INO80: variants seen among roughly 807,000 people sequenced by gnomAD.
INO80 encodes the protein chromatin-remodeling ATPase INO80.
A neutral mutation model predicts 203.4 loss-of-function variants in INO80; 20 were observed. The observed-to-expected ratio is 0.10, with a 90% CI of 0.07 to 0.14. The LOEUF is 0.14. INO80 is among the 10% of genes least tolerant of loss of function. INO80 has a pLI of 1.00. For synonymous variants in INO80, 726 were observed against 685.2 expected, an observed-to-expected ratio of 1.06 and a Z score of -0.93; for missense variants, 1,419 against 1,914.4, an observed-to-expected ratio of 0.74 and a Z score of 4.83.
chr15:41,050,689 A>G (rs985513804), intron 19 of INO80, among the ~76,000 whole-genome samples: 13 of 152,160 alleles, frequency 8.5e-5, no homozygotes, highest in African/African-American at 2.9e-4. Context: ...ATAGACTGAT[A>G]ATATTTTGTG....
chr15:41,037,199 C>CTT (rs796785451), intron 24 of INO80, among the ~76,000 whole-genome samples: 25 of 142,868 alleles, frequency 1.7e-4, no homozygotes, highest in South Asian at 1.6e-3. Flanking sequence ...CTTAATAGGA[C>CTT]TTTTTTTTTT....
chr15:41,036,177 A>C (rs1286133421), intron 24 of INO80, among the ~76,000 whole-genome samples: 2 of 150,332 alleles, frequency 1.3e-5, no homozygotes, highest in African/African-American at 4.9e-5. Flanking sequence ...AAAAAAAAAA[A>C]AAAAAAAACC....
intron 1 of INO80, among the ~76,000 whole-genome samples, chr15:41,108,106 T>C (rs2045907511): frequency 6.6e-6 from 1 of 152,056 alleles, no homozygotes; most frequent in South Asian, 2.1e-4. Flanking sequence ...TCTCAAAAAA[T>C]AAACAAACTT....
intron 28 of INO80, 41 bp downstream of exon 28, chr15:41,005,552 G>A: frequency 2.8e-6 from 3 of 1,070,072 alleles, no homozygotes; most frequent in East Asian, 2.5e-5. Flanking sequence ...GCACTAGAGG[G>A]AAATTAAAAA....
At chr15:40,985,588 T>G (rs977703959) in intron 31 of INO80, among the ~76,000 whole-genome samples, 162 bp from the exon 32 acceptor site, 1 of 152,062 alleles carries the variant, frequency 6.6e-6, no homozygotes, top group Non-Finnish European at 1.5e-5. Flanking sequence ...ATTCTCAATT[T>G]TGGGTTTAAA....
At chr15:40,980,490 T>G in intron 35 of INO80, 50 bp from the exon 36 acceptor site, 2 of 1,423,048 alleles carry the variant, frequency 1.4e-6, no homozygotes. Flanking sequence ...CCGCGTAAGC[T>G]TCCTTGGAGC....
Position 40,983,031 on chromosome 15 carries a change from G to C in INO80, c.4284C>G (p.Ala1428=), listed in dbSNP as rs748934659. The change falls in exon 35 of 36, where the codon GCC becomes GCG. Residue 1428 remains alanine (A), a synonymous_variant. Transcript: ENST00000648947. ...AACCTTTGGGGCGGCCTCGGCTTCGGGCTGAGTGACCACGTCCTGCAGCTG... is the reference window on the plus strand; with the variant it reads ...AACCTTTGGGGCGGCCTCGGCTTCGCGCTGAGTGACCACGTCCTGCAGCTG... ...EMPAAGRGHS[A]RSRGRPKGSG... 4 of 1,613,942 alleles carry C rather than the reference G, an allele frequency of 2.5e-6. No individual in the cohort carries two copies. In the East Asian group the frequency reaches 8.9e-5, roughly 36 times the overall value.
chr15:41,042,450 C>T (rs899920138), intron 24 of INO80, among the ~76,000 whole-genome samples: 1 of 152,008 alleles, frequency 6.6e-6, no homozygotes, highest in Admixed American at 6.6e-5. Context: ...ACACTCCTGG[C>T]CCTGAAAGCA....
At chr15:41,017,936 A>C (rs1411554815) in intron 26 of INO80, 2 of 152,224 alleles carry the variant, frequency 1.3e-5, no homozygotes, top group Non-Finnish European at 2.9e-5. Flanking sequence ...AGTACTGTAT[A>C]AATTCCAAGT....
At chr15:40,995,358 G>C (rs2043867950) in intron 29 of INO80, among the ~76,000 whole-genome samples, 1 of 152,206 alleles carries the variant, frequency 6.6e-6, no homozygotes, top group Non-Finnish European at 1.5e-5. Flanking sequence ...TAGGCTGAGG[G>C]AACAGTTTAT....
intron 17 of INO80, among the ~76,000 whole-genome samples, chr15:41,056,084 C>T (rs560471838): frequency 1.3e-5 from 2 of 151,742 alleles, no homozygotes; most frequent in East Asian, 3.9e-4. Flanking sequence ...GCTAAGACTA[C>T]AGGCATGCAC....
intron 27 of INO80, among the ~76,000 whole-genome samples, chr15:41,009,279 T>C (rs1450050246): frequency 4.6e-5 from 7 of 151,122 alleles, no homozygotes; most frequent in African/African-American, 1.7e-4. Flanking sequence ...ATGTGCACAA[T>C]GTGCAGGTTA....
intron 1 of INO80, among the ~76,000 whole-genome samples, chr15:41,099,255 A>AC (rs2045770070): frequency 7.4e-6 from 1 of 135,636 alleles, no homozygotes; most frequent in Non-Finnish European, 1.6e-5. Flanking sequence ...AAAAAAAAAA[A>AC]AAAAAAAAAA....
At position 40,992,487 on chromosome 15, in the gene INO80, A is replaced by G. The variant is rs543676529; in HGVS notation, c.3571-4513T>C. Reference sequence around the variant, plus strand: ...CATTTTTACATATGCATTCTCAATCATAAGACATTAGGTTTTTCCTGACAT... The same window carrying G: ...CATTTTTACATATGCATTCTCAATCGTAAGACATTAGGTTTTTCCTGACAT... On this transcript the variant is annotated intron_variant, in intron 29 of 35. Coordinates refer to ENST00000648947, the MANE Select transcript of INO80 (RefSeq NM_017553.3). Among the ~76,000 whole-genome samples the G allele has an allele frequency of 5.3e-5, 8 of 152,336 alleles. No individual in the cohort carries two copies. In the South Asian group the frequency reaches 1.5e-3, roughly 28 times the overall value.
At chr15:41,033,823 G>A (rs536621427) in intron 24 of INO80, among the ~76,000 whole-genome samples, 6 of 152,220 alleles carry the variant, frequency 3.9e-5, no homozygotes, top group African/African-American at 4.8e-5. Context: ...AGGCCAAGGC[G>A]GGAGGATCAC....
At position 41,116,260 on chromosome 15, in the gene INO80, G is replaced by A. The variant is rs1000133827; in HGVS notation, c.-331C>T. 5.8e-5 allele frequency: 23 copies of A among 399,192 alleles called. No individual in the cohort carries two copies. Among genetic ancestry groups the A allele is most frequent in the Non-Finnish European group, 5.7e-5 (13 of 226,936 alleles). The allele number at this position is 399,192 out of a possible 1,614,324, so 24.7% of individuals were successfully genotyped here. On this transcript the variant is annotated 5_prime_UTR_variant, in exon 1 of 36. Transcript: ENST00000648947. ...GAGCAGGGACACGGGGAGCCATGGC[G>A]GGGGGGAGGAGAGGCGCCATAGCCA...
At chr15:41,023,277 T>C (rs1299332020) in intron 25 of INO80, 2 of 455,934 alleles carry the variant, frequency 4.4e-6, no homozygotes, top group Admixed American at 2.4e-5. Context: ...TTCTATGACT[T>C]GACATGGCAG....
chr15:41,030,904 T>A (rs1296083796), intron 24 of INO80, among the ~76,000 whole-genome samples: 3 of 150,706 alleles, frequency 2.0e-5, no homozygotes, highest in Non-Finnish European at 4.4e-5. Context: ...ACTCCTGACC[T>A]CATGATCCGT....
chr15:41,054,737 C>T (rs2044951752), intron 18 of INO80, among the ~76,000 whole-genome samples: 1 of 152,166 alleles, frequency 6.6e-6, no homozygotes, highest in Non-Finnish European at 1.5e-5. Context: ...CTCCTGGGTT[C>T]AAGCGATTCA....
Sources: allele counts gnomAD v4.1 joint callset (sites outside exome capture counted in the v4.1 genomes callset), GRCh38; gene constraint gnomAD v4.1.1; transcripts MANE v1.5; gene names NCBI Gene and HGNC (gene_info 2026-07-23, HGNC 2026-07-21).